TAFA1: variants seen among roughly 807,000 people sequenced by gnomAD.
TAFA1 encodes TAFA chemokine like family member 1.
In TAFA1, 4 loss-of-function variants were observed where a neutral mutation model predicts 18.5. That is an observed-to-expected ratio of 0.22 (90% CI 0.11 to 0.49). TAFA1 has a LOEUF of 0.49. Ranked by LOEUF, TAFA1 falls within the 20% of genes least tolerant of loss-of-function variation. The probability of loss-of-function intolerance (pLI) is 0.98; values close to 1 mark genes in which losing one functional copy is unlikely to be tolerated. For missense variants in TAFA1, 147 were observed against 169.0 expected, an observed-to-expected ratio of 0.87 and a Z score of 0.72; for synonymous variants, 56 against 55.2, an observed-to-expected ratio of 1.01 and a Z score of -0.06.
At chr3:68,097,715 G>C (rs143515620) in intron 2 of TAFA1, among the ~76,000 whole-genome samples, 41 of 152,222 alleles carry the variant, frequency 2.7e-4, no homozygotes, top group Non-Finnish European at 5.7e-4. Flanking sequence ...CTGGGACTTA[G>C]TGCTCAATAA....
At position 68,174,673 on chromosome 3, in the gene TAFA1, A is replaced by C. The variant is rs1284201622; in HGVS notation, c.118+167929A>C. ...TCAAGAGGTGACTTGGGTGTTGTTA[A>C]AGGCATTCAGTTTTATAAGGGAAGC... is the stretch of plus-strand genomic sequence containing the variant. On this transcript the variant is annotated intron_variant, in intron 2 of 4. Transcript: ENST00000478136. Among the ~76,000 whole-genome samples the C allele has an allele frequency of 2.6e-5, 4 of 152,322 alleles. No individual in the cohort carries two copies. The East Asian group carries it at 7.7e-4, about 29-fold the overall frequency.
intron 2 of TAFA1, among the ~76,000 whole-genome samples, chr3:68,084,868 C>T (rs2106784439): frequency 6.6e-6 from 1 of 151,820 alleles, no homozygotes; most frequent in African/African-American, 2.4e-5. Context: ...AATCGGCTGC[C>T]TTCTCTCCTA....
At chr3:68,056,063 C>A (rs1466692312) in intron 2 of TAFA1, among the ~76,000 whole-genome samples, 1 of 152,108 alleles carries the variant, frequency 6.6e-6, no homozygotes, top group Non-Finnish European at 1.5e-5. Flanking sequence ...TTCCAATGGC[C>A]AATGCCACCC....
rs935413800 is a variant in TAFA1 at position 68,330,044 on chromosome 3, C to T, written c.119-87236C>T. ...GTCCAATTGCAGGGATAGCTGGGTC[C>T]AGGGGCTCAGAGAATGTTAATAGAT... is the stretch of plus-strand genomic sequence containing the variant. On this transcript the variant is annotated intron_variant, in intron 2 of 4. Transcript: ENST00000478136. Among the ~76,000 whole-genome samples the T allele has an allele frequency of 2.0e-5, 3 of 152,114 alleles. No homozygotes were observed. In the South Asian group the frequency reaches 6.2e-4, roughly 32 times the overall value.
At chr3:68,023,451 G>A (rs990720481) in intron 2 of TAFA1, among the ~76,000 whole-genome samples, 13 of 152,236 alleles carry the variant, frequency 8.5e-5, no homozygotes, top group Admixed American at 3.9e-4. Flanking sequence ...AGACCTTGGC[G>A]TATGGCTTAA....
At chr3:68,247,884 A>G (rs1400913285) in intron 2 of TAFA1, 1 of 151,596 alleles carries the variant, frequency 6.6e-6, no homozygotes, top group African/African-American at 2.4e-5. Context: ...CTTTCTCTTT[A>G]TTTGTATAGA....
chr3:68,031,964 C>T (rs886694319), intron 2 of TAFA1, among the ~76,000 whole-genome samples: 1 of 152,030 alleles, frequency 6.6e-6, no homozygotes, highest in Admixed American at 6.6e-5. Context: ...ATAGTTTTTC[C>T]TTCTCTAAGC....
intron 2 of TAFA1, among the ~76,000 whole-genome samples, chr3:68,079,750 G>C (rs1427803127): frequency 6.6e-6 from 1 of 152,112 alleles, no homozygotes; most frequent in African/African-American, 2.4e-5. Context: ...GTCAATTTTG[G>C]AATAGGTGTG....
At chr3:68,085,472 T>C (rs575021998) in intron 2 of TAFA1, among the ~76,000 whole-genome samples, 2 of 152,318 alleles carry the variant, frequency 1.3e-5, no homozygotes, top group South Asian at 4.1e-4. Flanking sequence ...ATGCCTGAAT[T>C]AGAGTGGGCA....
intron 3 of TAFA1, among the ~76,000 whole-genome samples, chr3:68,529,988 G>T (rs1391645453): frequency 6.6e-6 from 1 of 152,140 alleles, no homozygotes; most frequent in East Asian, 1.9e-4. Flanking sequence ...ACTAGGGGAA[G>T]AGCACTTTGC....
intron 3 of TAFA1, among the ~76,000 whole-genome samples, chr3:68,429,335 A>G (rs1171566954): frequency 6.6e-6 from 1 of 151,914 alleles, no homozygotes; most frequent in Non-Finnish European, 1.5e-5. Flanking sequence ...TATTACTTAT[A>G]TCATCCTTAT....
intron 2 of TAFA1, among the ~76,000 whole-genome samples, chr3:68,212,190 G>A (rs777774033): frequency 6.6e-6 from 1 of 151,344 alleles, no homozygotes; most frequent in Non-Finnish European, 1.5e-5. Flanking sequence ...GGGAGAGGAG[G>A]GGCAAATCAG....
rs181979732 is a variant in TAFA1 at position 68,347,386 on chromosome 3, G to T, written c.119-69894G>T. Among the ~76,000 whole-genome samples, 1,026 of 152,278 alleles carry T rather than the reference G, an allele frequency of 6.7e-3. 11 individuals are homozygous for T. Among genetic ancestry groups the T allele is most frequent in the African/African-American group, 0.024 (987 of 41,558 alleles). On this transcript the variant is annotated intron_variant, in intron 2 of 4. Transcript: ENST00000478136. ...AGAGTTTTAAATTCTGTTATTGTTTGCAGGAAACTTCACTTTCCTCTCATC... is the reference window on the plus strand; with the variant it reads ...AGAGTTTTAAATTCTGTTATTGTTTTCAGGAAACTTCACTTTCCTCTCATC...
chr3:68,090,545 C>G (rs2065018094), intron 2 of TAFA1, among the ~76,000 whole-genome samples: 1 of 152,166 alleles, frequency 6.6e-6, no homozygotes, highest in Admixed American at 6.5e-5. Flanking sequence ...CTCTGTGGGT[C>G]TGGATAGGAA....
upstream of TAFA1, among the ~76,000 whole-genome samples, chr3:67,999,285 C>CTGTGTGTG (rs373368779): frequency 2.1e-4 from 1 of 4,720 alleles, no homozygotes; most frequent in African/African-American, 3.3e-4. Context: ...CCCCCCCTCT[C>CTGTGTGTG]TCTGTGTGTG....
At chr3:68,520,744 A>G (rs1046385981) in intron 3 of TAFA1, among the ~76,000 whole-genome samples, 1 of 152,310 alleles carries the variant, frequency 6.6e-6, no homozygotes, top group South Asian at 2.1e-4. Context: ...AAGTGGAGGG[A>G]CACATGATAA....
intron 3 of TAFA1, among the ~76,000 whole-genome samples, chr3:68,526,856 A>G (rs2073117547): frequency 6.6e-6 from 1 of 152,150 alleles, no homozygotes; most frequent in African/African-American, 2.4e-5. Context: ...TTACTTTCAG[A>G]ATTAGAAAAA....
chr3:68,391,077 A>G (rs2070230570), intron 2 of TAFA1, among the ~76,000 whole-genome samples: 1 of 152,176 alleles, frequency 6.6e-6, no homozygotes, highest in Non-Finnish European at 1.5e-5. Context: ...CTAAAGGAAC[A>G]TGTTGTAACC....
chr3:68,071,437 G>A (rs946609779), intron 2 of TAFA1, among the ~76,000 whole-genome samples: 2 of 152,106 alleles, frequency 1.3e-5, no homozygotes, highest in Admixed American at 6.6e-5. Context: ...AGATTTGGGT[G>A]GGGACACAGC....
Sources: allele counts gnomAD v4.1 joint callset (sites outside exome capture counted in the v4.1 genomes callset), GRCh38; gene constraint gnomAD v4.1.1; transcripts MANE v1.5; gene names NCBI Gene and HGNC (gene_info 2026-07-23, HGNC 2026-07-21).